Variants in RAP1A observed in about 807,000 individuals in gnomAD.
RAP1A encodes the protein RAP1A, member of RAS oncogene family.
Under a neutral mutation model 26.4 loss-of-function variants are expected in RAP1A, and 6 were observed. The observed-to-expected ratio is 0.23, with a 90% CI of 0.12 to 0.45. RAP1A has a LOEUF of 0.45. RAP1A is among the 20% of genes least tolerant of loss of function. The pLI, the probability that RAP1A is intolerant of heterozygous loss-of-function variation, is 0.99. For synonymous variants in RAP1A, 73 were observed against 79.4 expected, an observed-to-expected ratio of 0.92 and a Z score of 0.43; for missense variants, 121 against 217.2, an observed-to-expected ratio of 0.56 and a Z score of 2.78.
At chr1:111,688,757 A>T (rs1400156871) in intron 1 of RAP1A, among the ~76,000 whole-genome samples, 1 of 147,222 alleles carries the variant, frequency 6.8e-6, no homozygotes, top group Non-Finnish European at 1.5e-5. Context: ...ATACTCCTTC[A>T]GGAGGGGGGC....
In RAP1A at chr1:111,692,990, G is replaced by A. The variant is rs527634516; in HGVS notation, c.57+1573G>A. On this transcript the variant is annotated intron_variant, in intron 2 of 7. Coordinates refer to ENST00000369709, the MANE Select transcript of RAP1A (RefSeq NM_002884.4). ...GAATTACCTTTTCAAAAATAATTTT[G>A]GAAAAAGTCCATAGGAGTGAAAGAG... 2.0e-5 allele frequency among the ~76,000 whole-genome samples: 3 copies of A among 152,156 alleles called. No individual in the cohort carries two copies. The East Asian group carries it at 5.8e-4, about 29-fold the overall frequency.
At chr1:111,645,411 G>A (rs965140474) in intron 1 of RAP1A, among the ~76,000 whole-genome samples, 3 of 152,196 alleles carry the variant, frequency 2.0e-5, no homozygotes, top group African/African-American at 7.2e-5. Flanking sequence ...AAGGATTGAT[G>A]TGCAGTACTG....
At chr1:111,561,836 A>G (rs1387752893) in intron 1 of RAP1A, among the ~76,000 whole-genome samples, 2 of 151,958 alleles carry the variant, frequency 1.3e-5, no homozygotes, top group African/African-American at 4.8e-5. Context: ...CCCTTTCTCC[A>G]TTCCCACGGC....
chr1:111,597,652 A>G lies in RAP1A; in HGVS notation c.-28+55143A>G, dbSNP rs573176899. 1.7e-4 allele frequency among the ~76,000 whole-genome samples: 26 copies of G among 152,372 alleles called. No homozygotes were observed. The South Asian group carries it at 2.3e-3, about 13-fold the overall frequency. Reference sequence around the variant, plus strand: ...TTTCTCTCCAAGTGTGGGTTGAGCAATGTGAGTAAAGCAGACATAAATGCC... The same window carrying G: ...TTTCTCTCCAAGTGTGGGTTGAGCAGTGTGAGTAAAGCAGACATAAATGCC... On this transcript the variant is annotated intron_variant, in intron 1 of 7. Coordinates refer to the RAP1A transcript ENST00000356415.
At chr1:111,550,957 G>A (rs1028710172) in intron 1 of RAP1A, among the ~76,000 whole-genome samples, 6 of 149,902 alleles carry the variant, frequency 4.0e-5, no homozygotes, top group African/African-American at 1.5e-4. Context: ...ATAGTGGAGT[G>A]ACTCTTTTAT....
chr1:111,551,124 TC>T (rs1176617807), intron 1 of RAP1A, among the ~76,000 whole-genome samples: 1 of 152,230 alleles, frequency 6.6e-6, no homozygotes, highest in Non-Finnish European at 1.5e-5. Context: ...CCTGTTTGTG[TC>T]TTTAAATCTA....
chr1:111,704,304 GTATGTTATTGTTCATTT>G (rs774288373), intron 5 of RAP1A, 22 bp from the exon 6 acceptor site: 3 of 1,602,490 alleles, frequency 1.9e-6, no homozygotes, highest in Non-Finnish European at 2.6e-6. Flanking sequence ...TAAGTAATGA[GTATGTTATTGTTCATTT>G]TACGTTTTTT....
At chr1:111,585,938 G>A (rs570790742) in intron 1 of RAP1A, among the ~76,000 whole-genome samples, 66 of 152,268 alleles carry the variant, frequency 4.3e-4, no homozygotes, top group African/African-American at 1.6e-3. Flanking sequence ...TGAAATAAAG[G>A]ACAATTCCTG....
intron 1 of RAP1A, among the ~76,000 whole-genome samples, chr1:111,669,736 G>A (rs1660917473): frequency 6.6e-6 from 1 of 152,182 alleles, no homozygotes; most frequent in Admixed American, 6.5e-5. Context: ...AAATCAAGTA[G>A]ATACAGTATT....
At chr1:111,669,042 A>AG (rs1401375219) in intron 1 of RAP1A, among the ~76,000 whole-genome samples, 4 of 148,962 alleles carry the variant, frequency 2.7e-5, no homozygotes, top group Non-Finnish European at 3.0e-5. Flanking sequence ...AAAAAAAAAA[A>AG]AAAAAAGAAA....
At chr1:111,636,579 G>C (rs1483242021) in intron 1 of RAP1A, among the ~76,000 whole-genome samples, 2 of 151,782 alleles carry the variant, frequency 1.3e-5, no homozygotes, top group African/African-American at 4.9e-5. Flanking sequence ...CACCTCCCAG[G>C]TTCAAGGGAT....
At chr1:111,628,302 G>T (rs759789358) in intron 1 of RAP1A, among the ~76,000 whole-genome samples, 2 of 152,216 alleles carry the variant, frequency 1.3e-5, no homozygotes, top group Non-Finnish European at 2.9e-5. Context: ...GTGGTGAGCA[G>T]TGGCAGCAGG....
chr1:111,650,064 A>T (rs1660213888), intron 1 of RAP1A, among the ~76,000 whole-genome samples: 1 of 145,384 alleles, frequency 6.9e-6, no homozygotes, highest in Admixed American at 6.8e-5. Context: ...AACAATATAT[A>T]TAAGTAATAT....
chr1:111,708,189 A>C (rs2101306543), intron 6 of RAP1A, among the ~76,000 whole-genome samples: 1 of 152,304 alleles, frequency 6.6e-6, no homozygotes, highest in South Asian at 2.1e-4. Flanking sequence ...AAAACAAACA[A>C]ACTAAAAACC....
At chr1:111,666,616 A>T (rs1267534628) in intron 1 of RAP1A, among the ~76,000 whole-genome samples, 1 of 151,132 alleles carries the variant, frequency 6.6e-6, no homozygotes, top group Non-Finnish European at 1.5e-5. Context: ...TCAGCAGTCT[A>T]ATTTAGGTAA....
chr1:111,625,414 A>G (rs938173917), intron 1 of RAP1A, among the ~76,000 whole-genome samples: 2 of 152,212 alleles, frequency 1.3e-5, no homozygotes, highest in African/African-American at 2.4e-5. Context: ...ACATATCCCA[A>G]ATGCAGTTTA....
intron 1 of RAP1A, chr1:111,686,651 A>G (rs1661488447): frequency 7.1e-6 from 1 of 140,408 alleles, no homozygotes; most frequent in African/African-American, 2.6e-5. Context: ...TGATTGTGCC[A>G]CTGCACTCCA....
chr1:111,682,962 A>G (rs1266955686), intron 1 of RAP1A, among the ~76,000 whole-genome samples: 2 of 152,232 alleles, frequency 1.3e-5, no homozygotes, highest in South Asian at 2.1e-4. Context: ...AACGGAAATA[A>G]TAAGTCTCTC....
chr1:111,561,206 C>T (rs575431692), intron 1 of RAP1A, among the ~76,000 whole-genome samples: 1 of 152,342 alleles, frequency 6.6e-6, no homozygotes, highest in African/African-American at 2.4e-5. Context: ...TCACTGCATC[C>T]TCAACCTCCC....
Sources: gnomAD v4.1 joint callset for allele counts (sites outside exome capture counted in the v4.1 genomes callset) on GRCh38, gnomAD v4.1.1 for gene constraint, MANE v1.5 for transcripts, NCBI Gene and HGNC (gene_info 2026-07-23, HGNC 2026-07-21) for gene names.